WWC2: variants seen among roughly 807,000 people sequenced by gnomAD.
WWC2 encodes protein WWC2.
Under a neutral mutation model 138.5 loss-of-function variants are expected in WWC2, and 101 were observed. That is an observed-to-expected ratio of 0.73 (90% CI 0.62 to 0.86). The LOEUF (loss-of-function observed/expected upper bound fraction) is 0.86. Ranked by LOEUF, WWC2 falls within the 40% of genes least tolerant of loss-of-function variation. WWC2 has a pLI of 0.00. For missense variants in WWC2, 1,420 were observed against 1,419.4 expected, an observed-to-expected ratio of 1.00 and a Z score of -0.01; for synonymous variants, 558 against 538.4, an observed-to-expected ratio of 1.04 and a Z score of -0.50.
intron 1 of WWC2, among the ~76,000 whole-genome samples, chr4:183,135,754 T>C (rs1473233820): frequency 6.6e-6 from 1 of 152,208 alleles, no homozygotes; most frequent in Non-Finnish European, 1.5e-5. Context: ...AAAGATCTGC[T>C]GGTTGCACGC....
At chr4:183,220,840 A>G (rs1393447556) in intron 4 of WWC2, among the ~76,000 whole-genome samples, 6 of 145,622 alleles carry the variant, frequency 4.1e-5, no homozygotes, top group Non-Finnish European at 7.6e-5. Context: ...TCTCAAAAAG[A>G]AAAAAAAAAA....
chr4:183,168,332 T>G (rs1734181776), intron 1 of WWC2, among the ~76,000 whole-genome samples: 1 of 151,982 alleles, frequency 6.6e-6, no homozygotes, highest in African/African-American at 2.4e-5. Flanking sequence ...AGTGGGAAAA[T>G]AAGATATAAA....
At chr4:183,163,229 G>A (rs1404527859) in intron 1 of WWC2, among the ~76,000 whole-genome samples, 1 of 152,194 alleles carries the variant, frequency 6.6e-6, no homozygotes, top group Non-Finnish European at 1.5e-5. Flanking sequence ...TACTTAAAGT[G>A]TGCCAAGGTG....
intron 20 of WWC2, 35 bp from the exon 21 acceptor site, chr4:183,289,358 C>T: frequency 6.3e-7 from 1 of 1,597,988 alleles, no homozygotes; most frequent in Non-Finnish European, 8.5e-7. Flanking sequence ...GCCTGTATAA[C>T]CAGGGTGTTC....
In WWC2 at chr4:183,298,832, C is replaced by T. The variant is rs557237040; in HGVS notation, c.3384+9197C>T. 2.6e-5 allele frequency among the ~76,000 whole-genome samples: 4 copies of T among 152,246 alleles called. No individual in the cohort carries two copies. In the South Asian group the frequency reaches 8.3e-4, roughly 32 times the overall value. On this transcript the variant is annotated intron_variant, in intron 21 of 22. Transcript: ENST00000403733. ...AGAGATTTGTGGAAATTGAAGTCTG[C>T]ATGGCCTAAAGGAACTGAACCTTTA...
intron 1 of WWC2, among the ~76,000 whole-genome samples, chr4:183,177,613 A>G (rs1229800402): frequency 2.0e-5 from 3 of 152,204 alleles, no homozygotes; most frequent in Admixed American, 2.0e-4. Context: ...GAAGCAGACT[A>G]TAATAGAAAC....
At chr4:183,295,908 G>T (rs1738618131) in intron 21 of WWC2, among the ~76,000 whole-genome samples, 1 of 152,192 alleles carries the variant, frequency 6.6e-6, no homozygotes, top group African/African-American at 2.4e-5. Flanking sequence ...ATAGTGTAAG[G>T]TTGAACTAAA....
At position 183,313,307 on chromosome 4, in the gene WWC2, G is replaced by A. The variant is rs566784109; in HGVS notation, c.3512+839G>A. 3.8e-3 allele frequency among the ~76,000 whole-genome samples: 577 copies of A among 152,274 alleles called. 3 individuals carry two copies. The highest frequency in any genetic ancestry group is 0.013 in the African/African-American group (554 of 41,560). ...TGACGGGCGGCCAGCAGGGCTCTCC[G>A]TGCACAAAACCAAATGATGGGGATG... On this transcript the variant is annotated intron_variant, in intron 22 of 22. Transcript: ENST00000403733.
At chr4:183,215,703 A>G (rs527874483) in intron 4 of WWC2, among the ~76,000 whole-genome samples, 1 of 152,276 alleles carries the variant, frequency 6.6e-6, no homozygotes, top group African/African-American at 2.4e-5. Flanking sequence ...ATGAAACTGC[A>G]GGCTAAATAT....
intron 1 of WWC2, among the ~76,000 whole-genome samples, chr4:183,144,118 T>G (rs961096411): frequency 6.6e-6 from 1 of 152,226 alleles, no homozygotes; most frequent in Non-Finnish European, 1.5e-5. Context: ...ATGGGAACAG[T>G]TGATATGTCA....
At chr4:183,263,936 A>G (rs1283289723) in intron 11 of WWC2, among the ~76,000 whole-genome samples, 2 of 152,192 alleles carry the variant, frequency 1.3e-5, no homozygotes, top group Non-Finnish European at 2.9e-5. Flanking sequence ...GTCCAGTGCC[A>G]GTCCCTGCTG....
rs1478072830 is a variant in WWC2 at position 183,125,297 on chromosome 4, T to G, written c.131+25675T>G. ...GCTGTGTTCAAATTATCTGCACATA[T>G]TTCTAGTTATATATGAGTGCTCCCT... On this transcript the variant is annotated intron_variant, in intron 1 of 22. Coordinates refer to ENST00000403733, the MANE Select transcript of WWC2 (RefSeq NM_024949.6). Among the ~76,000 whole-genome samples the G allele has an allele frequency of 2.0e-5, 3 of 152,212 alleles. 1 individual carries two copies. In the East Asian group the frequency reaches 5.8e-4, roughly 29 times the overall value.
intron 1 of WWC2, among the ~76,000 whole-genome samples, chr4:183,112,532 A>G (rs1021213838): frequency 2.6e-5 from 4 of 152,184 alleles, no homozygotes; most frequent in African/African-American, 9.7e-5. Flanking sequence ...CTAGTCATTC[A>G]CTCAGTCACT....
intron 4 of WWC2, among the ~76,000 whole-genome samples, chr4:183,219,626 TGGG>T (rs1479616289): frequency 6.6e-6 from 1 of 152,188 alleles, no homozygotes; most frequent in African/African-American, 2.4e-5. Context: ...CATCACAGAA[TGGG>T]GGAGAACGGA....
intron 1 of WWC2, among the ~76,000 whole-genome samples, chr4:183,187,203 G>A (rs905430679): frequency 7.9e-5 from 12 of 151,950 alleles, no homozygotes; most frequent in South Asian, 2.1e-4. Flanking sequence ...CACGTTTTAC[G>A]TTTCACATAA....
chr4:183,157,743 C>T (rs892468850), intron 1 of WWC2, among the ~76,000 whole-genome samples: 8 of 151,962 alleles, frequency 5.3e-5, no homozygotes, highest in South Asian at 2.1e-4. Flanking sequence ...CCTTGTGATC[C>T]GCCTCCCTCT....
chr4:183,230,444 A>G (rs1736208635), intron 4 of WWC2, among the ~76,000 whole-genome samples: 1 of 152,240 alleles, frequency 6.6e-6, no homozygotes, highest in Non-Finnish European at 1.5e-5. Flanking sequence ...TGGGAGGCCA[A>G]AGTAGATGGA....
chr4:183,214,118 C>T (rs758008901), intron 4 of WWC2, among the ~76,000 whole-genome samples: 1 of 152,164 alleles, frequency 6.6e-6, no homozygotes, highest in Non-Finnish European at 1.5e-5. Context: ...ATTGCATGTG[C>T]TTTAATACAA....
At chr4:183,198,465 T>G (rs1261194943) in intron 2 of WWC2, among the ~76,000 whole-genome samples, 1 of 152,096 alleles carries the variant, frequency 6.6e-6, no homozygotes, top group Non-Finnish European at 1.5e-5. Flanking sequence ...AAATCTGACC[T>G]CAAGGAATCT....
Sources: gnomAD v4.1 joint callset for allele counts (sites outside exome capture counted in the v4.1 genomes callset) on GRCh38, gnomAD v4.1.1 for gene constraint, MANE v1.5 for transcripts, NCBI Gene and HGNC (gene_info 2026-07-23, HGNC 2026-07-21) for gene names.